The following MTMR3 variants were observed in gnomAD, a reference collection of about 807,000 sequenced individuals.
MTMR3 encodes the protein myotubularin related protein 3.
Under a neutral mutation model 132.4 loss-of-function variants are expected in MTMR3, and 32 were observed. The ratio of observed to expected loss-of-function variants is 0.24; its 90% CI spans 0.18 to 0.32. MTMR3 has a LOEUF of 0.32. Ranked by LOEUF, MTMR3 falls within the 10% of genes least tolerant of loss-of-function variation. The pLI, the probability that MTMR3 is intolerant of heterozygous loss-of-function variation, is 1.00. For synonymous variants in MTMR3, 556 were observed against 550.3 expected (o/e 1.01, Z -0.14); for missense variants, 1,216 against 1,489.6 (o/e 0.82, Z 3.02).
intron 1 of MTMR3, among the ~76,000 whole-genome samples, chr22:29,930,804 C>G (rs941270863): frequency 6.6e-6 from 1 of 151,978 alleles, no homozygotes; most frequent in Non-Finnish European, 1.5e-5. Flanking sequence ...AGTTTGAGAC[C>G]AGCATGGGCA....
chr22:30,007,031 C>A, intron 9 of MTMR3, 83 bp from the exon 10 acceptor site: 1 of 1,439,322 alleles, frequency 6.9e-7, no homozygotes, highest in Non-Finnish European at 9.6e-7. Context: ...TTAGACTGTT[C>A]ATTAAGGCAC....
rs547243989 is a variant in MTMR3, at chr22:30,022,180, T to G, written c.3336+41T>G. 4 of 1,505,186 alleles carry G rather than the reference T, an allele frequency of 2.7e-6. No homozygotes were observed. The African/African-American group carries it at 5.5e-5, about 21-fold the overall frequency. 93.2% of individuals were successfully genotyped at this position (1,505,186 alleles called of 1,614,324 possible). Reference sequence around the variant, plus strand: ...CTGCTCTGAGTGCCATCAATTTAACTGTTTTGTGGTTCTTCTCCACCCCCA... The same window carrying G: ...CTGCTCTGAGTGCCATCAATTTAACGGTTTTGTGGTTCTTCTCCACCCCCA... On this transcript the variant is annotated intron_variant, in intron 18 of 19. Transcript: ENST00000401950.
At chr22:30,021,394 TA>T (rs1569055666) in intron 17 of MTMR3, 3 of 164,642 alleles carry the variant, frequency 1.8e-5, no homozygotes, top group African/African-American at 7.2e-5. Flanking sequence ...GACTGGTTTC[TA>T]GCACTGTTGA....
intron 1 of MTMR3, among the ~76,000 whole-genome samples, chr22:29,939,755 A>G (rs370216196): frequency 6.6e-6 from 1 of 152,150 alleles, no homozygotes; most frequent in African/African-American, 2.4e-5. Flanking sequence ...GATAGCAGCT[A>G]TAACTGTTAG....
At chr22:29,936,095 A>C (rs759910574) in intron 1 of MTMR3, among the ~76,000 whole-genome samples, 4 of 152,080 alleles carry the variant, frequency 2.6e-5, no homozygotes, top group Non-Finnish European at 5.9e-5. Context: ...ATGGAGACAA[A>C]ACCAACTATC....
rs1027310624 is a variant in MTMR3, at chr22:30,009,074, C to T, written c.1066C>T (p.Arg356Trp). 6.2e-7 allele frequency: 1 copy of T among 1,613,890 alleles called. No individual in the cohort carries two copies. The highest frequency in any genetic ancestry group is 8.5e-7 in the Non-Finnish European group (1 of 1,179,776). ...GGGGATGGCAAACATTCATTCTATT[C>T]GGAGGAGTTTTCAGTCTCTGCGGTT... ...FMGMANIHSI[R>W]RSFQSLRLLC... is the part of the protein sequence containing the mutation. The change falls in exon 12 of 20, where the codon CGG (arginine) becomes TGG (tryptophan). Residue 356 changes from arginine to tryptophan, a missense_variant. Physicochemically the swap from Arg to Trp is moderately radical, Grantham distance 101. Around this residue, in one of 7 missense-constraint regions of MTMR3, gnomAD observed 106 missense variants for 209.5 expected, o/e 0.51. Coordinates refer to ENST00000401950, the MANE Select transcript of MTMR3 (RefSeq NM_021090.4).
chr22:29,956,047 T>C (rs1251407079), intron 1 of MTMR3, among the ~76,000 whole-genome samples: 4 of 152,158 alleles, frequency 2.6e-5, no homozygotes, highest in Non-Finnish European at 5.9e-5. Flanking sequence ...CCACCGCGCC[T>C]GGCCTTGACT....
intron 1 of MTMR3, among the ~76,000 whole-genome samples, chr22:29,903,857 C>T (rs1182500540): frequency 6.6e-6 from 1 of 152,106 alleles, no homozygotes; most frequent in African/African-American, 2.4e-5. Context: ...GTGTTTGGAG[C>T]CAAGGGATAT....
intron 1 of MTMR3, among the ~76,000 whole-genome samples, chr22:29,892,148 A>G (rs1362893525): frequency 6.7e-6 from 1 of 149,934 alleles, no homozygotes; most frequent in Admixed American, 6.7e-5. Flanking sequence ...GCGAGACTCC[A>G]TCTCAAAAAA....
intron 1 of MTMR3, among the ~76,000 whole-genome samples, chr22:29,901,770 G>T (rs538251671): frequency 2.0e-5 from 3 of 152,104 alleles, no homozygotes; most frequent in African/African-American, 4.8e-5. Flanking sequence ...TATGCTGGCC[G>T]CAAGCTCCTG....
In MTMR3 at chr22:30,029,520, C is replaced by T. The variant is rs1255305934; in HGVS notation, c.*3719C>T. On this transcript the variant is annotated 3_prime_UTR_variant, in exon 20 of 20. Transcript: ENST00000401950. ...TAAACAATCTCTGGCTATTAAAAAA[C>T]ATCAAGATGAGAATTAAAGGCATAT... 6.6e-6 allele frequency: 1 copy of T among 152,338 alleles called. No homozygotes were observed. Among genetic ancestry groups the T allele is most frequent in the Non-Finnish European group, 1.5e-5 (1 of 68,048 alleles). The allele number at this position is 152,338 out of a possible 1,614,324, so 9.4% of individuals were successfully genotyped here. A position where few individuals can be genotyped will look rare whatever the true frequency, so the allele number is the denominator to read the frequency against.
intron 1 of MTMR3, among the ~76,000 whole-genome samples, chr22:29,916,420 T>C (rs980802769): frequency 1.3e-5 from 2 of 152,248 alleles, no homozygotes; most frequent in Non-Finnish European, 2.9e-5. Context: ...GAGACACATT[T>C]AAGTTTCTGA....
At chr22:30,023,518 C>T (rs766728481) in intron 19 of MTMR3, 3 of 1,612,146 alleles carry the variant, frequency 1.9e-6, no homozygotes, top group Non-Finnish European at 2.5e-6. Context: ...GTGATGTCTG[C>T]ACATCTACAA....
chr22:29,958,367 A>G (rs1347701455), intron 2 of MTMR3, among the ~76,000 whole-genome samples: 1 of 152,080 alleles, frequency 6.6e-6, no homozygotes, highest in Admixed American at 6.6e-5. Flanking sequence ...TTGCCTTGCT[A>G]TTGCCTCTAG....
At chr22:29,911,948 T>G (rs1368304045) in intron 1 of MTMR3, among the ~76,000 whole-genome samples, 1 of 152,192 alleles carries the variant, frequency 6.6e-6, no homozygotes, top group Non-Finnish European at 1.5e-5. Flanking sequence ...TTTCACTGAT[T>G]AGGCATAAAT....
Position 30,020,444 on chromosome 22 carries a change from A to C in MTMR3, c.2785A>C (p.Asn929His), listed in dbSNP as rs1464225597. Residue 929 changes from asparagine to histidine, a missense_variant, in exon 17 of 20, where the codon AAT becomes CAT. Physicochemically the swap from Asn to His is moderately conservative, Grantham distance 68. Coordinates refer to ENST00000401950, the MANE Select transcript of MTMR3 (RefSeq NM_021090.4). ...LAECKEGLVCNGAPETENRAS... is the reference protein window; with the variant it reads ...LAECKEGLVCHGAPETENRAS... ...CGAATGTAAAGAGGGGCTTGTGTGC[A>C]ATGGTGCCCCAGAGACTGAAAACAG... is the stretch of plus-strand genomic sequence containing the variant. 1.9e-6 allele frequency: 3 copies of C among 1,614,152 alleles called. No individual in the cohort carries two copies. In the African/African-American group the frequency reaches 4.0e-5, roughly 22 times the overall value.
At chr22:29,896,916 A>ACACACAC (rs2064912817) in intron 1 of MTMR3, among the ~76,000 whole-genome samples, 1 of 92,432 alleles carries the variant, frequency 1.1e-5, no homozygotes, top group Non-Finnish European at 2.4e-5. Flanking sequence ...CACACACACA[A>ACACACAC]ATCCCATATA....
At chr22:29,926,837 G>T (rs1299129256) in intron 1 of MTMR3, among the ~76,000 whole-genome samples, 1 of 152,122 alleles carries the variant, frequency 6.6e-6, no homozygotes, top group Non-Finnish European at 1.5e-5. Context: ...GTTTAATTTT[G>T]ATGAAATCCC....
intron 1 of MTMR3, among the ~76,000 whole-genome samples, chr22:29,949,921 A>G (rs2066041109): frequency 6.6e-6 from 1 of 152,150 alleles, no homozygotes; most frequent in African/African-American, 2.4e-5. Flanking sequence ...CATTTGATTT[A>G]GGCATTGCTA....
Sources: gnomAD v4.1 joint callset for allele counts (sites outside exome capture counted in the v4.1 genomes callset) on GRCh38, gnomAD v4.1.1 for gene constraint, gnomAD v4.1.1 regional missense constraint, MANE v1.5 for transcripts, NCBI Gene and HGNC (gene_info 2026-07-23, HGNC 2026-07-21) for gene names.